Variants in ZNF862 observed in about 807,000 individuals in gnomAD.
The protein encoded by ZNF862 is zinc finger protein 862.
In ZNF862, 64 loss-of-function variants were observed where a neutral mutation model predicts 91.1. The ratio of observed to expected loss-of-function variants is 0.70; its 90% confidence interval spans 0.57 to 0.87. The LOEUF is 0.87. Ranked by LOEUF, ZNF862 falls within the 40% of genes least tolerant of loss-of-function variation. The pLI is 0.00. For missense variants in ZNF862, 1,459 were observed against 1,528.0 expected (o/e 0.95, Z 0.75); for synonymous variants, 631 against 618.1 (o/e 1.02, Z -0.31).
Position 149,861,151 on chromosome 7 carries a change from G to A in ZNF862, c.1991G>A (p.Ser664Asn), listed in dbSNP as rs753049130. The change falls in exon 7 of 8, where the codon AGT becomes AAT. Residue 664 changes from serine (S) to asparagine (N), a missense_variant. Ser to Asn is a conservative substitution (Grantham distance 46). Transcript: ENST00000223210. This position sits in a 1 kb window ranked among gnomAD's most constrained non-coding sequence, Gnocchi z 6.7. Reference sequence around the variant, plus strand: ...TACATCACTCTGGCCCCTCTCTACAGTGAGACAGCAGATGGGTACTTCGAG... The same window carrying A: ...TACATCACTCTGGCCCCTCTCTACAATGAGACAGCAGATGGGTACTTCGAG... ...ESYITLAPLY[S>N]ETADGYFETI... 6.2e-7 allele frequency: 1 copy of A among 1,613,082 alleles called. No individual in the cohort carries two copies. The highest frequency in any genetic ancestry group is 1.1e-5 in the South Asian group (1 of 91,036).
In ZNF862 at chr7:149,862,044, G is replaced by T; in HGVS notation, c.2884G>T (p.Ala962Ser). The T allele has an allele frequency of 6.2e-7, 1 of 1,613,842 alleles. No individual in the cohort carries two copies. Among genetic ancestry groups the T allele is most frequent in the Non-Finnish European group, 8.5e-7 (1 of 1,179,900 alleles). Residue 962 changes from alanine to serine, a missense_variant, in exon 7 of 8, where the codon GCC becomes TCC. Ala to Ser is a moderately conservative substitution (Grantham distance 99). Coordinates refer to ENST00000223210, the MANE Select transcript of ZNF862 (RefSeq NM_001099220.3). ...TMAWPSGIEL[A>S]SFGNDDILNL... is the part of the protein sequence containing the mutation. ...GGCCTGGCCAAGTGGGATTGAACTT[G>T]CCAGTTTTGGGAATGATGACATTCT...
At chr7:149,846,051 A>G in intron 2 of ZNF862, 100 bp from the exon 3 acceptor site, 1 of 795,378 alleles carries the variant, frequency 1.3e-6, no homozygotes, top group Non-Finnish European at 2.1e-6. Context: ...CCATGCCGAG[A>G]GATGTCGCAG....
rs1458443187 is a variant in ZNF862 at position 149,866,647 on chromosome 7, G to A, written c.*2363G>A. ...TGCCTTCCTTAGGTGGTGGGAAAGG[G>A]GGGTCCCTGTGCAGCGGGGCCACTG... On this transcript the variant is annotated 3_prime_UTR_variant, in exon 8 of 8. Transcript: ENST00000223210. The A allele has an allele frequency of 6.6e-6, 1 of 152,246 alleles. No homozygotes were observed. The highest frequency in any genetic ancestry group is 2.4e-5 in the African/African-American group (1 of 41,418). The allele number at this position is 152,246 out of a possible 1,614,324, so 9.4% of individuals were successfully genotyped here.
At position 149,861,045 on chromosome 7, in the gene ZNF862, G is replaced by C. The variant is rs1483539367; in HGVS notation, c.1885G>C (p.Asp629His). The C allele has an allele frequency of 6.2e-7, 1 of 1,612,820 alleles. No homozygotes were observed. The highest frequency in any genetic ancestry group is 2.2e-5 in the East Asian group (1 of 44,862). Residue 629 changes from aspartate to histidine, a missense_variant, in exon 7 of 8, where the codon GAC becomes CAC. Transcript: ENST00000223210. This position sits in a 1 kb window ranked among gnomAD's most constrained non-coding sequence, Gnocchi z 6.7. ...CTCGCCCTGTGTGAGCGTGCTGCTGGACAGCTCCACCGACGCCTCCGAGCA... is the reference window on the plus strand; with the variant it reads ...CTCGCCCTGTGTGAGCGTGCTGCTGCACAGCTCCACCGACGCCTCCGAGCA... ...RNSPCVSVLL[D>H]SSTDASEQAC... is the part of the protein sequence containing the mutation.
At chr7:149,846,328 C>A in intron 3 of ZNF862, 73 bp downstream of exon 3, 2 of 1,181,922 alleles carry the variant, frequency 1.7e-6, no homozygotes, top group Non-Finnish European at 2.5e-6. Context: ...GGACTCCAGG[C>A]TCATCCTCTG....
intron 6 of ZNF862, chr7:149,859,893 G>T (rs1196624687): frequency 1.1e-5 from 3 of 270,938 alleles, no homozygotes; most frequent in Non-Finnish European, 2.1e-5. Context: ...CTATTGGTTT[G>T]TGAGAATTCG....
chr7:149,859,319 C>A, intron 5 of ZNF862, 103 bp from the exon 6 acceptor site: 2 of 1,074,154 alleles, frequency 1.9e-6, no homozygotes, highest in South Asian at 1.3e-5. Context: ...AGGACAGAAC[C>A]CAGAGACACC....
chr7:149,840,631 C>CTT (rs1156745592), intron 1 of ZNF862, among the ~76,000 whole-genome samples: 3 of 142,038 alleles, frequency 2.1e-5, no homozygotes, highest in Non-Finnish European at 3.1e-5. Flanking sequence ...ACAGATGGAC[C>CTT]TTTTTTTTTT....
At chr7:149,839,875 AAG>A (rs1304265192) in intron 1 of ZNF862, among the ~76,000 whole-genome samples, 3 of 152,196 alleles carry the variant, frequency 2.0e-5, no homozygotes, top group East Asian at 3.8e-4. Flanking sequence ...AATTTGAATA[AAG>A]AGAAGCAAAA....
In ZNF862 at chr7:149,838,532, C is replaced by T. The variant is rs1801596348; in HGVS notation, c.-80C>T. On this transcript the variant is annotated 5_prime_UTR_variant, in exon 1 of 8. Transcript: ENST00000223210. Reference sequence around the variant, plus strand: ...GCCCTCCCCCTCCGGGAGCCTGGGTCCCCGGGGCGGTCGCGGCGGCTGCAT... The same window carrying T: ...GCCCTCCCCCTCCGGGAGCCTGGGTTCCCGGGGCGGTCGCGGCGGCTGCAT... 2.0e-6 allele frequency: 2 copies of T among 1,009,372 alleles called. No homozygotes were observed. Among genetic ancestry groups the T allele is most frequent in the East Asian group, 3.2e-5 (1 of 30,786 alleles). 62.5% of individuals were successfully genotyped at this position (1,009,372 alleles called of 1,614,324 possible). A position where few individuals can be genotyped will look rare whatever the true frequency, so the allele number is the denominator to read the frequency against.
chr7:149,843,379 T>A (rs919294435), intron 1 of ZNF862, among the ~76,000 whole-genome samples: 2 of 152,260 alleles, frequency 1.3e-5, no homozygotes, highest in African/African-American at 4.8e-5. Context: ...AACTAGGTAA[T>A]GTTTTCATGG....
In ZNF862 at chr7:149,865,092, C is replaced by T. The variant is rs1802665125; in HGVS notation, c.*808C>T. ...GCAGTGGTCTGATTAATCCCTTCCT[C>T]TTTGTGCCTCAGTTTCCCTCTCCAT... On this transcript the variant is annotated 3_prime_UTR_variant, in exon 8 of 8. Coordinates refer to ENST00000223210, the MANE Select transcript of ZNF862 (RefSeq NM_001099220.3). The T allele has an allele frequency of 6.6e-6, 1 of 152,282 alleles. No individual in the cohort carries two copies. The highest frequency in any genetic ancestry group is 1.5e-5 in the Non-Finnish European group (1 of 68,106). 9.4% of individuals were successfully genotyped at this position (152,282 alleles called of 1,614,324 possible). A position where few individuals can be genotyped will look rare whatever the true frequency, so the allele number is the denominator to read the frequency against.
chr7:149,845,116 TG>T (rs1801827285), intron 2 of ZNF862: 2 of 196,502 alleles, frequency 1.0e-5, no homozygotes, highest in South Asian at 1.9e-4. Context: ...ACATTTGTGA[TG>T]TGGAAATCTG....
intron 1 of ZNF862, among the ~76,000 whole-genome samples, chr7:149,838,872 T>G (rs1390865901): frequency 6.6e-6 from 1 of 152,216 alleles, no homozygotes; most frequent in African/African-American, 2.4e-5. Flanking sequence ...GAGCGTCCGC[T>G]GGGTCGATGC....
chr7:149,844,914 C>T, intron 2 of ZNF862, 178 bp downstream of exon 2: 1 of 567,168 alleles, frequency 1.8e-6, no homozygotes, highest in South Asian at 2.1e-5. Flanking sequence ...TCACACATCA[C>T]CCTTTCTCTT....
At chr7:149,838,908 C>T (rs1801613701) in intron 1 of ZNF862, among the ~76,000 whole-genome samples, 1 of 152,206 alleles carries the variant, frequency 6.6e-6, no homozygotes, top group South Asian at 2.1e-4. Flanking sequence ...CCGAGTGGAG[C>T]GATGCGAAGG....
rs764168497 is a variant in ZNF862, at chr7:149,862,453, A to G, written c.3293A>G (p.His1098Arg). Residue 1098 changes from histidine (H) to arginine (R), a missense_variant, in exon 7 of 8, where the codon CAT becomes CGT. Transcript: ENST00000223210. Reference protein sequence around the residue: ...YLTSSGRRFSHVYTCAQVPAR... With the variant: ...YLTSSGRRFSRVYTCAQVPAR... ...ACCTCCTCAGGCCGGCGTTTCAGCC[A>G]TGTCTACACCTGTGCCCAGGTGCCA... 1 of 1,611,562 alleles carries G rather than the reference A, an allele frequency of 6.2e-7. No individual in the cohort carries two copies. The highest frequency in any genetic ancestry group is 8.5e-7 in the Non-Finnish European group (1 of 1,179,578).
intron 3 of ZNF862, among the ~76,000 whole-genome samples, chr7:149,847,250 A>G (rs1269945422): frequency 1.3e-5 from 2 of 152,240 alleles, no homozygotes; most frequent in Non-Finnish European, 2.9e-5. Context: ...GTATTCGAAG[A>G]TAGATTACAG....
intron 2 of ZNF862, chr7:149,845,061 G>A: frequency 3.3e-6 from 1 of 303,892 alleles, no homozygotes; most frequent in Non-Finnish European, 6.3e-6. Context: ...GATCTGTGGA[G>A]CCCGTAGGAC....
Sources: allele counts gnomAD v4.1 joint callset (sites outside exome capture counted in the v4.1 genomes callset), GRCh38; gene constraint gnomAD v4.1.1; non-coding constraint Gnocchi (gnomAD v3.1); transcripts MANE v1.5; gene names NCBI Gene and HGNC (gene_info 2026-07-23, HGNC 2026-07-21).